The following DPP6 variants were observed in gnomAD, a reference collection of about 807,000 sequenced individuals.
The protein encoded by DPP6 is A-type potassium channel modulatory protein DPP6.
Under a neutral mutation model 122.6 loss-of-function variants are expected in DPP6, and 69 were observed. The observed-to-expected ratio is 0.56, with a 90% confidence interval of 0.46 to 0.69. DPP6 has a LOEUF of 0.69. Ranked by LOEUF, DPP6 falls within the 30% of genes least tolerant of loss-of-function variation. The probability of loss-of-function intolerance (pLI) is 0.00; values close to 1 mark genes in which losing one functional copy is unlikely to be tolerated. For synonymous variants in DPP6, 418 were observed against 433.1 expected, an observed-to-expected ratio of 0.97 and a Z score of 0.43; for missense variants, 928 against 1,116.9, an observed-to-expected ratio of 0.83 and a Z score of 2.41.
intron 1 of DPP6, among the ~76,000 whole-genome samples, chr7:154,071,413 G>C (rs186507448): frequency 1.5e-3 from 234 of 152,338 alleles, no homozygotes; most frequent in African/African-American, 5.4e-3. Flanking sequence ...GAGAATTCAC[G>C]TGTTTCTGAT....
intron 16 of DPP6, chr7:154,838,465 A>G (rs1298553034): frequency 6.6e-6 from 1 of 152,258 alleles, no homozygotes; most frequent in African/African-American, 2.4e-5. Context: ...AAGTAATAAG[A>G]AAAGTCTGCT....
At chr7:154,505,792 A>G (rs939083415) in intron 3 of DPP6, among the ~76,000 whole-genome samples, 1 of 152,144 alleles carries the variant, frequency 6.6e-6, no homozygotes, top group African/African-American at 2.4e-5. Flanking sequence ...CTAAAGTCGT[A>G]CTTGTCATTT....
chr7:154,419,571 A>G (rs1817289296), intron 1 of DPP6, among the ~76,000 whole-genome samples: 1 of 152,096 alleles, frequency 6.6e-6, no homozygotes, highest in Admixed American at 6.6e-5. Flanking sequence ...GACCTCCCAC[A>G]CCCTTGGTTC....
At chr7:153,861,623 T>C in the DPP6 span, among the ~76,000 whole-genome samples, 1 of 152,184 alleles carries the variant, frequency 6.6e-6, no homozygotes, top group African/African-American at 2.4e-5. Flanking sequence ...TGGTACAATT[T>C]TTGGAAAGAT....
At chr7:154,468,215 A>T (rs1821957653) in intron 2 of DPP6, among the ~76,000 whole-genome samples, 1 of 152,234 alleles carries the variant, frequency 6.6e-6, no homozygotes, top group South Asian at 2.1e-4. Context: ...TCACAACAAA[A>T]TGCATATTGT....
chr7:154,238,255 G>A (rs1409830111), intron 1 of DPP6, among the ~76,000 whole-genome samples: 1 of 152,124 alleles, frequency 6.6e-6, no homozygotes, highest in African/African-American at 2.4e-5. Context: ...TTTGATGGCT[G>A]AGCCCAAGAA....
At chr7:154,112,530 A>G (rs1221183907) in intron 1 of DPP6, among the ~76,000 whole-genome samples, 4 of 152,118 alleles carry the variant, frequency 2.6e-5, no homozygotes, top group South Asian at 2.1e-4. Context: ...CTGTAACCCC[A>G]GCTCCTCAGG....
the DPP6 span, among the ~76,000 whole-genome samples, chr7:153,856,033 C>A: frequency 2.0e-5 from 3 of 152,266 alleles, no homozygotes; most frequent in South Asian, 6.2e-4. Flanking sequence ...CTGTACTGGG[C>A]AAGCACCAAA....
At position 154,484,705 on chromosome 7, in the gene DPP6, G is replaced by A. The variant is rs1194098283; in HGVS notation, c.457+9668G>A. Among the ~76,000 whole-genome samples the A allele has an allele frequency of 9.9e-5, 15 of 152,218 alleles. 1 individual carries two copies. Among genetic ancestry groups the A allele is most frequent in the Non-Finnish European group, 1.8e-4 (12 of 68,052 alleles). ...CAGCATCTCTCCACTGTCTGTGTTT[G>A]TTTACGCTCATTTTCATTAATCCAG... On this transcript the variant is annotated intron_variant, in intron 3 of 25. Transcript: ENST00000377770.
intron 1 of DPP6, among the ~76,000 whole-genome samples, chr7:153,910,614 A>G (rs1585018367): frequency 1.3e-5 from 2 of 152,236 alleles, no homozygotes; most frequent in African/African-American, 4.8e-5. Context: ...CTTTTACACC[A>G]AATTTCCCCC....
intron 1 of DPP6, among the ~76,000 whole-genome samples, chr7:154,055,015 A>G (rs1340323038): frequency 6.6e-6 from 1 of 152,026 alleles, no homozygotes; most frequent in East Asian, 1.9e-4. Flanking sequence ...TGAGAAACAA[A>G]TCAGGGATAT....
At chr7:154,231,071 T>G (rs1305686642) in intron 1 of DPP6, among the ~76,000 whole-genome samples, 1 of 152,242 alleles carries the variant, frequency 6.6e-6, no homozygotes, top group Non-Finnish European at 1.5e-5. Flanking sequence ...CTGATTCTTC[T>G]TGCATATTGA....
At chr7:154,805,010 G>T (rs1436133017) in intron 15 of DPP6, 46 bp downstream of exon 15, 4 of 1,562,234 alleles carry the variant, frequency 2.6e-6, no homozygotes, top group Non-Finnish European at 3.5e-6. Flanking sequence ...CCTTAGGAGG[G>T]CATCCAGGCT....
intron 5 of DPP6, among the ~76,000 whole-genome samples, chr7:154,629,657 G>A (rs1336866920): frequency 6.6e-6 from 1 of 152,138 alleles, no homozygotes; most frequent in South Asian, 2.1e-4. Flanking sequence ...ATAAGGAAAG[G>A]ACTGTGGAGG....
chr7:154,517,351 A>T (rs1180114464), intron 3 of DPP6, among the ~76,000 whole-genome samples: 1 of 152,068 alleles, frequency 6.6e-6, no homozygotes, highest in Non-Finnish European at 1.5e-5. Flanking sequence ...GAAGGAGAAG[A>T]TCCTACAGAT....
intron 5 of DPP6, among the ~76,000 whole-genome samples, chr7:154,594,679 T>G (rs1245170301): frequency 2.0e-5 from 3 of 152,170 alleles, no homozygotes; most frequent in Non-Finnish European, 4.4e-5. Flanking sequence ...CACAATGCCT[T>G]ATCTTGCTTT....
In DPP6 at chr7:154,547,474, G is replaced by A. The variant is rs376899963; in HGVS notation, c.552+6848G>A. 3.3e-5 allele frequency among the ~76,000 whole-genome samples: 5 copies of A among 152,310 alleles called. No individual in the cohort carries two copies. The South Asian group carries it at 8.3e-4, about 25-fold the overall frequency. On this transcript the variant is annotated intron_variant, in intron 4 of 25. Transcript: ENST00000377770. ...AGCAAAATTTGGCTGGAGCTAAGAG[G>A]CAGCTGGCCCCTCAGACAGGACATG...
intron 1 of DPP6, among the ~76,000 whole-genome samples, chr7:154,342,461 G>A (rs566737652): frequency 6.6e-6 from 1 of 152,348 alleles, no homozygotes; most frequent in East Asian, 1.9e-4. Context: ...TAATCAGGTT[G>A]CAGAAGCAAC....
chr7:153,756,927 G>C, the DPP6 span, among the ~76,000 whole-genome samples: 1 of 152,212 alleles, frequency 6.6e-6, no homozygotes, highest in African/African-American at 2.4e-5. Context: ...GGAATAGAGG[G>C]CAGTAAATGA....
Sources: gnomAD v4.1 joint callset for allele counts (sites outside exome capture counted in the v4.1 genomes callset) on GRCh38, gnomAD v4.1.1 for gene constraint, MANE v1.5 for transcripts, NCBI Gene and HGNC (gene_info 2026-07-23, HGNC 2026-07-21) for gene names.